MYO5B: variants seen among roughly 807,000 people sequenced by gnomAD.
MYO5B encodes the protein unconventional myosin-Vb.
MYO5B carries 143 observed loss-of-function variants against 229.3 expected under a neutral mutation model. The observed-to-expected ratio is 0.62, with a 90% CI of 0.54 to 0.72. The LOEUF (loss-of-function observed/expected upper bound fraction) is 0.72, where lower values mean the gene tolerates loss of function less well. Ranked by LOEUF, MYO5B falls within the 30% of genes least tolerant of loss-of-function variation. The pLI is 0.00. For synonymous variants in MYO5B, 918 were observed against 885.2 expected, an observed-to-expected ratio of 1.04 and a Z score of -0.66; for missense variants, 2,321 against 2,331.0, an observed-to-expected ratio of 1.00 and a Z score of 0.09.
chr18:50,156,933 C>T (rs536002325), intron 1 of MYO5B, among the ~76,000 whole-genome samples: 4 of 152,300 alleles, frequency 2.6e-5, no homozygotes, highest in African/African-American at 7.2e-5. Context: ...ATGCCAGCAT[C>T]ATCTCTTACC....
chr18:50,131,897 A>C (rs2032259264), intron 1 of MYO5B, among the ~76,000 whole-genome samples: 2 of 152,228 alleles, frequency 1.3e-5, no homozygotes, highest in South Asian at 4.1e-4. Flanking sequence ...GCTGAATACC[A>C]AACCAATCAC....
At chr18:49,962,579 C>T (rs964905265) in intron 11 of MYO5B, among the ~76,000 whole-genome samples, 173 bp from the exon 12 acceptor site, 2 of 152,166 alleles carry the variant, frequency 1.3e-5, no homozygotes, top group African/African-American at 4.8e-5. Flanking sequence ...TTAGGCGATT[C>T]CTCATGCCTG....
At position 50,077,173 on chromosome 18, in the gene MYO5B, A is replaced by T. The variant is rs960657486; in HGVS notation, c.28-21795T>A. ...GTTAATTTATTGTGGCAAAGTAAAA[A>T]AAAAAAAAAAAAAAAAAAAAGACAA... On this transcript the variant is annotated intron_variant, in intron 1 of 39. Transcript: ENST00000285039. Among the ~76,000 whole-genome samples the T allele has an allele frequency of 3.5e-3, 515 of 146,974 alleles. 5 individuals carry two copies. The highest frequency in any genetic ancestry group is 6.4e-3 in the African/African-American group (256 of 39,924).
chr18:50,067,192 T>C (rs1299131851), intron 1 of MYO5B, among the ~76,000 whole-genome samples: 1 of 152,132 alleles, frequency 6.6e-6, no homozygotes, highest in Admixed American at 6.6e-5. Flanking sequence ...AAATGAGAGA[T>C]GGGCCCCATC....
At chr18:50,099,538 T>C (rs2031615155) in intron 1 of MYO5B, among the ~76,000 whole-genome samples, 1 of 152,164 alleles carries the variant, frequency 6.6e-6, no homozygotes, top group South Asian at 2.1e-4. Context: ...GCCAGCCTTG[T>C]AAGTAAAACG....
intron 27 of MYO5B, among the ~76,000 whole-genome samples, chr18:49,865,890 G>A (rs2024389845): frequency 6.6e-6 from 1 of 151,928 alleles, no homozygotes; most frequent in African/African-American, 2.4e-5. Flanking sequence ...ACCATTCCTG[G>A]ACACCATCTC....
intron 1 of MYO5B, among the ~76,000 whole-genome samples, chr18:50,127,587 G>A (rs1254809615): frequency 6.6e-6 from 1 of 152,214 alleles, no homozygotes; most frequent in African/African-American, 2.4e-5. Context: ...AAAAGGTAGA[G>A]GAATCCAGCT....
Position 50,182,858 on chromosome 18 carries a change from G to A in MYO5B, c.27+11909C>T, listed in dbSNP as rs904601284. ...GCTGTGGGGGGTTGGGGGGTTGTAG[G>A]TAAACTTTAAACCAATTCAATGATA... On this transcript the variant is annotated intron_variant, in intron 1 of 39. Coordinates refer to ENST00000285039, the MANE Select transcript of MYO5B (RefSeq NM_001080467.3). 3.9e-5 allele frequency among the ~76,000 whole-genome samples: 6 copies of A among 152,102 alleles called. No homozygotes were observed. The East Asian group carries it at 1.2e-3, about 29-fold the overall frequency.
chr18:49,904,227 T>C (rs147980786), intron 20 of MYO5B, among the ~76,000 whole-genome samples: 3 of 152,364 alleles, frequency 2.0e-5, no homozygotes, highest in Non-Finnish European at 2.9e-5. Context: ...AATGCCCTTC[T>C]TCAAGGGTGA....
At chr18:49,937,175 C>G in intron 15 of MYO5B, 70 bp downstream of exon 15, 3 of 1,572,944 alleles carry the variant, frequency 1.9e-6, no homozygotes, top group Non-Finnish European at 2.6e-6. Flanking sequence ...ACCCTGCCGC[C>G]ATCCTTCATC....
In MYO5B at chr18:50,023,280, GACACTGCC is replaced by G. The variant is rs2026296636; in HGVS notation, c.455+13562_455+13569del. On this transcript the variant is annotated intron_variant, in intron 4 of 39. Transcript: ENST00000285039. ...AATGGGAGCACCTGGATTCTAAATG[GACACTGCC>G]ACTTAGCCTACATGACCTAGACAAG... Among the ~76,000 whole-genome samples the G allele has an allele frequency of 9.2e-5, 14 of 152,236 alleles. No homozygotes were observed. In the South Asian group the frequency reaches 2.9e-3, roughly 32 times the overall value.
At chr18:49,964,040 T>C (rs1290594325) in intron 10 of MYO5B, among the ~76,000 whole-genome samples, 1 of 152,200 alleles carries the variant, frequency 6.6e-6, no homozygotes, top group Non-Finnish European at 1.5e-5. Context: ...AGTGAGGACA[T>C]TTTGGTTCTT....
chr18:49,908,530 C>T (rs2024924837), intron 18 of MYO5B, among the ~76,000 whole-genome samples: 1 of 152,204 alleles, frequency 6.6e-6, no homozygotes, highest in Non-Finnish European at 1.5e-5. Context: ...AGATCTGGGT[C>T]TCCCAGGCCC....
At chr18:49,941,490 C>T (rs2025313597) in intron 14 of MYO5B, among the ~76,000 whole-genome samples, 1 of 152,120 alleles carries the variant, frequency 6.6e-6, no homozygotes, top group South Asian at 2.1e-4. Flanking sequence ...GTCTAAATAG[C>T]TCCATGGAAG....
chr18:49,861,028 A>G (rs2024322698), intron 29 of MYO5B, among the ~76,000 whole-genome samples: 1 of 152,184 alleles, frequency 6.6e-6, no homozygotes, highest in Admixed American at 6.5e-5. Flanking sequence ...GCTAAAGGCC[A>G]GACTGGGAGA....
chr18:49,965,184 TGAAG>T (rs2025608776), intron 10 of MYO5B, among the ~76,000 whole-genome samples: 1 of 152,130 alleles, frequency 6.6e-6, no homozygotes, highest in South Asian at 2.1e-4. Flanking sequence ...GTTCTGGGCA[TGAAG>T]GAAGATGTGG....
intron 12 of MYO5B, among the ~76,000 whole-genome samples, chr18:49,957,417 G>A (rs2025506071): frequency 6.6e-6 from 1 of 152,062 alleles, no homozygotes; most frequent in South Asian, 2.1e-4. Flanking sequence ...CGAGGTGGGA[G>A]GATGGCTTGA....
chr18:49,847,345 G>C, intron 32 of MYO5B, 56 bp from the exon 33 acceptor site: 1 of 1,589,022 alleles, frequency 6.3e-7, no homozygotes, highest in Non-Finnish European at 8.6e-7. Flanking sequence ...CAGGCCTGAG[G>C]GTAGCGGGCA....
chr18:50,071,611 C>T (rs1439642180), intron 1 of MYO5B, among the ~76,000 whole-genome samples: 1 of 152,230 alleles, frequency 6.6e-6, no homozygotes, highest in Non-Finnish European at 1.5e-5. Flanking sequence ...AAGAGCAGCT[C>T]TGTCTTCAAA....
Sources: allele counts gnomAD v4.1 joint callset (sites outside exome capture counted in the v4.1 genomes callset), GRCh38; gene constraint gnomAD v4.1.1; transcripts MANE v1.5; gene names NCBI Gene and HGNC (gene_info 2026-07-23, HGNC 2026-07-21).